The following NBEA variants were observed in gnomAD, a reference collection of about 807,000 sequenced individuals.
The protein encoded by NBEA is neurobeachin, also known as lysosomal-trafficking regulator 2.
In NBEA, 44 loss-of-function variants were observed where a neutral mutation model predicts 343.4. The observed-to-expected ratio is 0.13, with a 90% CI of 0.10 to 0.16. The LOEUF (loss-of-function observed/expected upper bound fraction) is 0.16, where lower values mean the gene tolerates loss of function less well. Ranked by LOEUF, NBEA falls within the 10% of genes least tolerant of loss-of-function variation. NBEA has a pLI of 1.00. For synonymous variants in NBEA, 1,175 were observed against 1,238.7 expected (o/e 0.95, Z 1.08); for missense variants, 2,555 against 3,631.3 (o/e 0.70, Z 7.62).
chr13:35,373,209 A>G (rs1594391754), intron 38 of NBEA, among the ~76,000 whole-genome samples: 1 of 151,688 alleles, frequency 6.6e-6, no homozygotes, highest in African/African-American at 2.4e-5. Flanking sequence ...TCACCTCTCT[A>G]TTGAATTCCA....
At chr13:35,005,739 A>G (rs556519415) in intron 1 of NBEA, among the ~76,000 whole-genome samples, 29 of 152,350 alleles carry the variant, frequency 1.9e-4, no homozygotes, top group East Asian at 1.7e-3. Context: ...GGAAGAGTCA[A>G]GGATAGCTTA....
intron 45 of NBEA, among the ~76,000 whole-genome samples, chr13:35,574,805 A>C (rs900319861): frequency 1.3e-5 from 2 of 151,278 alleles, no homozygotes; most frequent in African/African-American, 2.4e-5. Flanking sequence ...GCTGAAGTGC[A>C]ATGGTGCAAT....
intron 41 of NBEA, among the ~76,000 whole-genome samples, chr13:35,485,886 A>C (rs2152969912): frequency 1.3e-5 from 2 of 152,246 alleles, no homozygotes; most frequent in South Asian, 4.1e-4. Context: ...ACAGTGTTTT[A>C]CCCTTGAATG....
chr13:35,563,132 G>GGAGATAGATAGATAGATAGAGAT (rs2079946006), intron 44 of NBEA, among the ~76,000 whole-genome samples: 4 of 123,474 alleles, frequency 3.2e-5, no homozygotes, highest in Non-Finnish European at 7.8e-5. Flanking sequence ...TGTGTGTGTG[G>GGAGATAGATAGATAGATAGAGAT]AGATAGATAG....
intron 46 of NBEA, among the ~76,000 whole-genome samples, chr13:35,585,131 T>TAAAAAAAAAAAAAA (rs775053482): frequency 0.67 from 47,338 of 71,100 alleles, 17,903 homozygotes; most frequent in Non-Finnish European, 0.72. Context: ...TCACTGACCT[T>TAAAAAAAAAAAAAA]AAAAAAAAAA....
intron 30 of NBEA, among the ~76,000 whole-genome samples, chr13:35,187,505 A>G (rs1431664216): frequency 6.6e-6 from 1 of 150,468 alleles, no homozygotes; most frequent in East Asian, 1.9e-4. Flanking sequence ...AATAACTATA[A>G]TAAAGTAATT....
intron 6 of NBEA, among the ~76,000 whole-genome samples, chr13:35,054,568 A>G (rs1010457870): frequency 1.3e-5 from 2 of 151,656 alleles, no homozygotes; most frequent in Non-Finnish European, 2.9e-5. Context: ...CTTTTATAGA[A>G]GCACACTGTT....
rs562712883 is a variant in NBEA at position 35,604,022 on chromosome 13, G to T, written c.7297-2404G>T. 1.1e-4 allele frequency among the ~76,000 whole-genome samples: 16 copies of T among 152,264 alleles called. No homozygotes were observed. The South Asian group carries it at 1.9e-3, about 18-fold the overall frequency. Reference sequence around the variant, plus strand: ...TTTCTGATTGGATGCCAATACATGAGAACAGCAGTGATTCTTTACTTCTAC... The same window carrying T: ...TTTCTGATTGGATGCCAATACATGATAACAGCAGTGATTCTTTACTTCTAC... On this transcript the variant is annotated intron_variant, in intron 47 of 58. Coordinates refer to ENST00000379939, the MANE Select transcript of NBEA (RefSeq NM_001385012.1).
chr13:35,392,457 ATG>A lies in NBEA; in HGVS notation c.6180-39801_6180-39800del, dbSNP rs149372333. 7.6e-3 allele frequency among the ~76,000 whole-genome samples: 1,139 copies of A among 149,904 alleles called. 20 individuals are homozygous for A. The highest frequency in any genetic ancestry group is 0.026 in the African/African-American group (1,071 of 40,888). ...GTGGTAAAACCTAACTTGAGCCAGT[ATG>A]TGTGTGTGTGGTTTTGTTTTTTTTG... is the stretch of plus-strand genomic sequence containing the variant. On this transcript the variant is annotated intron_variant, in intron 38 of 58. Transcript: ENST00000379939.
intron 38 of NBEA, among the ~76,000 whole-genome samples, chr13:35,395,322 G>C (rs1158312835): frequency 6.6e-6 from 1 of 151,876 alleles, no homozygotes; most frequent in African/African-American, 2.4e-5. Flanking sequence ...TCCTCTGATA[G>C]AATTCTCATG....
chr13:35,622,067 A>G (rs2083018453), intron 48 of NBEA, among the ~76,000 whole-genome samples: 1 of 152,238 alleles, frequency 6.6e-6, no homozygotes. Context: ...ATAGAAAAAA[A>G]CAAGTGAGAG....
chr13:35,224,100 G>A (rs912245301), intron 33 of NBEA, among the ~76,000 whole-genome samples: 2 of 152,146 alleles, frequency 1.3e-5, no homozygotes, highest in African/African-American at 4.8e-5. Context: ...GGATCTGTCT[G>A]TTTTCCTCTT....
chr13:35,411,646 T>TG (rs1555256232), intron 38 of NBEA, among the ~76,000 whole-genome samples: 1 of 104,814 alleles, frequency 9.5e-6, no homozygotes, highest in Non-Finnish European at 2.2e-5. Context: ...TTGTTTTTTG[T>TG]TTTGTTGTTG....
At chr13:35,309,851 A>G (rs2037235167) in intron 36 of NBEA, among the ~76,000 whole-genome samples, 1 of 152,096 alleles carries the variant, frequency 6.6e-6, no homozygotes, top group East Asian at 1.9e-4. Context: ...CTGAGTAGTA[A>G]AGTTGTTTTA....
chr13:35,115,220 C>T (rs1047043983), intron 13 of NBEA, among the ~76,000 whole-genome samples: 28 of 152,090 alleles, frequency 1.8e-4, no homozygotes, highest in African/African-American at 6.8e-4. Context: ...TCTGCTCATA[C>T]AAACATGAGC....
intron 45 of NBEA, among the ~76,000 whole-genome samples, chr13:35,579,376 A>C (rs9574160): frequency 0.11 from 16,495 of 152,048 alleles, 1,228 homozygotes; most frequent in East Asian, 0.27. Context: ...AATATGTTTT[A>C]TTTATATAAT....
intron 1 of NBEA, among the ~76,000 whole-genome samples, chr13:34,970,006 A>G (rs185229469): frequency 3.7e-4 from 56 of 152,186 alleles, no homozygotes; most frequent in Non-Finnish European, 7.4e-5. Context: ...AATCTGCACT[A>G]CCACCAACAG....
chr13:35,666,760 A>G (rs2085374919), intron 56 of NBEA, among the ~76,000 whole-genome samples: 1 of 152,292 alleles, frequency 6.6e-6, no homozygotes, highest in Middle Eastern at 3.4e-3. Flanking sequence ...GGGCAAAAAA[A>G]CCCAGAAACC....
At chr13:35,098,210 C>T in intron 10 of NBEA, 87 bp from the exon 11 acceptor site, 2 of 862,924 alleles carry the variant, frequency 2.3e-6, no homozygotes, top group Non-Finnish European at 1.8e-6. Flanking sequence ...ATATGGTTAT[C>T]TTTTGGCATA....
Sources: gnomAD v4.1 joint callset for allele counts (sites outside exome capture counted in the v4.1 genomes callset) on GRCh38, gnomAD v4.1.1 for gene constraint, MANE v1.5 for transcripts, NCBI Gene and HGNC (gene_info 2026-07-23, HGNC 2026-07-21) for gene names.